Variants in PTPRT observed in about 807,000 individuals in gnomAD.
PTPRT encodes protein tyrosine phosphatase receptor type T.
In PTPRT, 56 loss-of-function variants were observed where a neutral mutation model predicts 176.8. The ratio of observed to expected loss-of-function variants is 0.32; its 90% CI spans 0.26 to 0.40. The LOEUF (loss-of-function observed/expected upper bound fraction) is 0.40. Ranked by LOEUF, PTPRT falls within the 10% of genes least tolerant of loss-of-function variation. PTPRT has a pLI of 1.00. For missense variants in PTPRT, 1,540 were observed against 1,908.2 expected, an observed-to-expected ratio of 0.81 and a Z score of 3.60; for synonymous variants, 783 against 739.0, an observed-to-expected ratio of 1.06 and a Z score of -0.96.
chr20:42,288,313 G>A (rs1345228335), intron 12 of PTPRT, among the ~76,000 whole-genome samples: 2 of 150,592 alleles, frequency 1.3e-5, no homozygotes, highest in African/African-American at 4.9e-5. Context: ...TTAAAATGTG[G>A]TCACAATAAA....
chr20:42,756,413 T>C (rs781775530), intron 6 of PTPRT, 49 bp downstream of exon 6: 10 of 1,462,810 alleles, frequency 6.8e-6, no homozygotes, highest in Non-Finnish European at 9.1e-6. Context: ...TTAAGGCCCA[T>C]TAATGCCAAC....
At chr20:43,047,125 G>C (rs540723165) in intron 1 of PTPRT, among the ~76,000 whole-genome samples, 1 of 144,378 alleles carries the variant, frequency 6.9e-6, no homozygotes, top group Non-Finnish European at 1.5e-5. Context: ...TGTTTTCCCC[G>C]ATTCGCCCTC....
At chr20:42,674,103 A>G (rs2146048400) in intron 7 of PTPRT, among the ~76,000 whole-genome samples, 1 of 152,324 alleles carries the variant, frequency 6.6e-6, no homozygotes, top group Admixed American at 6.5e-5. Context: ...ATCTCAGACT[A>G]CCAACACCAA....
chr20:42,754,093 C>T (rs2076797751), intron 6 of PTPRT, among the ~76,000 whole-genome samples: 1 of 152,146 alleles, frequency 6.6e-6, no homozygotes, highest in Non-Finnish European at 1.5e-5. Flanking sequence ...CACATTCCAG[C>T]AGGACATCTG....
rs62205774 is a variant in PTPRT, at chr20:42,514,189, T to G, written c.1154-41627A>C. ...ATATACGATATATTCATCTTTTGCT[T>G]TATAATAAAATGCCAATGTTTGCCT... On this transcript the variant is annotated intron_variant, in intron 7 of 30. Coordinates refer to ENST00000373187, the MANE Select transcript of PTPRT (RefSeq NM_007050.6). Among the ~76,000 whole-genome samples the G allele has an allele frequency of 7.9e-3, 1,204 of 152,330 alleles. 11 individuals carry two copies. Among genetic ancestry groups the G allele is most frequent in the Middle Eastern group, 0.014 (4 of 294 alleles).
At chr20:42,120,794 A>G (rs996723668) in intron 19 of PTPRT, among the ~76,000 whole-genome samples, 1 of 152,242 alleles carries the variant, frequency 6.6e-6, no homozygotes, top group Admixed American at 6.5e-5. Context: ...CATTTAGTGC[A>G]GAACACTGAA....
At chr20:43,129,861 G>A (rs1238972519) in intron 1 of PTPRT, among the ~76,000 whole-genome samples, 7 of 151,684 alleles carry the variant, frequency 4.6e-5, no homozygotes, top group Admixed American at 3.3e-4. Context: ...CTCGTGATCC[G>A]CCCGCCTCGG....
At position 42,984,428 on chromosome 20, in the gene PTPRT, T is replaced by A. The variant is rs189884645; in HGVS notation, c.89-98496A>T. The stretch of plus-strand genomic sequence containing the variant: ...ATTATTTCTGACACAAATACAGCTC[T>A]CCACTTTCTGTAGAAGGATTCCAAT... On this transcript the variant is annotated intron_variant, in intron 1 of 30. Transcript: ENST00000373187. Among the ~76,000 whole-genome samples the A allele has an allele frequency of 2.5e-3, 384 of 152,336 alleles. 2 individuals are homozygous for A. Among genetic ancestry groups the A allele is most frequent in the Non-Finnish European group, 4.4e-3 (296 of 68,022 alleles).
chr20:42,447,496 T>C (rs1326728101), intron 9 of PTPRT, among the ~76,000 whole-genome samples: 2 of 151,904 alleles, frequency 1.3e-5, no homozygotes, highest in East Asian at 3.9e-4. Context: ...ATACAAGGGG[T>C]GGGAGGAGAC....
chr20:42,495,613 G>A (rs145224895), intron 7 of PTPRT, among the ~76,000 whole-genome samples: 6 of 152,148 alleles, frequency 3.9e-5, no homozygotes, highest in Admixed American at 1.3e-4. Flanking sequence ...CAGTTTTCCC[G>A]TTAGAGTCTC....
intron 1 of PTPRT, among the ~76,000 whole-genome samples, chr20:43,147,396 A>G (rs2014202047): frequency 6.6e-6 from 1 of 152,152 alleles, no homozygotes; most frequent in African/African-American, 2.4e-5. Context: ...GCCAACCATC[A>G]TCATCATCAT....
intron 1 of PTPRT, among the ~76,000 whole-genome samples, chr20:43,185,202 C>T (rs538256608): frequency 3.3e-5 from 5 of 152,288 alleles, no homozygotes; most frequent in South Asian, 2.1e-4. Flanking sequence ...TATACTTGTC[C>T]GACATGGTTT....
chr20:42,764,787 A>T (rs6072860), intron 5 of PTPRT, among the ~76,000 whole-genome samples: 31,270 of 152,176 alleles, frequency 0.21, 3,681 homozygotes, highest in African/African-American at 0.32. Flanking sequence ...TCAGCTGTTA[A>T]ACATAGTATC....
At chr20:42,072,564 A>G (rs540707554), downstream of PTPRT, among the ~76,000 whole-genome samples, 2 of 152,224 alleles carry the variant, frequency 1.3e-5, no homozygotes, top group Non-Finnish European at 2.9e-5. Flanking sequence ...CTCAATGTGC[A>G]GTCATGGAAA....
Position 42,393,912 on chromosome 20 carries a change from AAG to A in PTPRT, c.1561-41629_1561-41628del, listed in dbSNP as rs368198308. On this transcript the variant is annotated intron_variant, in intron 9 of 30. Transcript: ENST00000373187. ...GGTAGATATCAACAGAATTGCATGG[AAG>A]AGTCAGGGAAGACTACGGCTTCCTA... Among the ~76,000 whole-genome samples, 93 of 152,290 alleles carry A rather than the reference AAG, an allele frequency of 6.1e-4. 3 individuals are homozygous for A. The East Asian group carries it at 0.017, about 27-fold the overall frequency.
intron 9 of PTPRT, among the ~76,000 whole-genome samples, chr20:42,417,396 C>T (rs2059075933): frequency 6.6e-6 from 1 of 151,966 alleles, no homozygotes; most frequent in Non-Finnish European, 1.5e-5. Context: ...ATGGAGATTC[C>T]TCCCTATTTC....
intron 15 of PTPRT, among the ~76,000 whole-genome samples, chr20:42,227,030 T>C (rs914374933): frequency 4.6e-5 from 7 of 152,034 alleles, no homozygotes; most frequent in African/African-American, 1.7e-4. Context: ...TGCATTTCAG[T>C]GGTGGGAAAC....
intron 9 of PTPRT, among the ~76,000 whole-genome samples, chr20:42,374,262 G>GA (rs1422725154): frequency 6.6e-6 from 1 of 152,164 alleles, no homozygotes; most frequent in African/African-American, 2.4e-5. Context: ...GAGGTTCAAG[G>GA]AAAAGGTCAG....
intron 7 of PTPRT, among the ~76,000 whole-genome samples, chr20:42,568,041 C>A (rs1402385320): frequency 6.6e-6 from 1 of 151,242 alleles, no homozygotes; most frequent in African/African-American, 2.4e-5. Flanking sequence ...ACGATCTTGG[C>A]TCACTGCAAC....
Sources: allele counts gnomAD v4.1 joint callset (sites outside exome capture counted in the v4.1 genomes callset), GRCh38; gene constraint gnomAD v4.1.1; transcripts MANE v1.5; gene names NCBI Gene and HGNC (gene_info 2026-07-23, HGNC 2026-07-21).